ATP10A: variants seen among roughly 807,000 people sequenced by gnomAD.
ATP10A encodes ATPase phospholipid transporting 10A (putative).
In ATP10A, 111 loss-of-function variants were observed where a neutral mutation model predicts 147.8. That is an observed-to-expected ratio of 0.75 (90% confidence interval 0.64 to 0.88). The LOEUF (loss-of-function observed/expected upper bound fraction) is 0.88, where lower values mean the gene tolerates loss of function less well. Among genes scored for constraint, ATP10A ranks in the 40% least tolerant of loss-of-function variants. The probability of loss-of-function intolerance (pLI) is 0.00; values close to 1 mark genes in which losing one functional copy is unlikely to be tolerated. For synonymous variants in ATP10A, 875 were observed against 841.6 expected (o/e 1.04, Z -0.69); for missense variants, 1,927 against 1,959.0 (o/e 0.98, Z 0.31).
Position 25,847,609 on chromosome 15 carries a change from C to CTTTTTTTTTTTTTTTTTT in ATP10A, c.449+15021_449+15038dup, listed in dbSNP as rs34212354. Among the ~76,000 whole-genome samples, 2 of 40,738 alleles carry CTTTTTTTTTTTTTTTTTT rather than the reference C, an allele frequency of 4.9e-5. 1 individual carries two copies. Among genetic ancestry groups the CTTTTTTTTTTTTTTTTTT allele is most frequent in the Non-Finnish European group, 1.0e-4 (2 of 19,914 alleles). 26.7% of individuals were successfully genotyped at this position (40,738 alleles called of 152,430 possible). A position where few individuals can be genotyped will look rare whatever the true frequency, so the allele number is the denominator to read the frequency against. ...CCTAGCTAATTCAAACAGCTACAGC[C>CTTTTTTTTTTTTTTTTTT]TTTTTTTTTTTTTTTTTTTTTTTTT... On this transcript the variant is annotated intron_variant, in intron 1 of 20. Transcript: ENST00000555815.
At chr15:25,680,705 C>T in intron 19 of ATP10A, 105 bp downstream of exon 19, 2 of 1,050,360 alleles carry the variant, frequency 1.9e-6, no homozygotes, top group Non-Finnish European at 2.9e-6. Context: ...TTTGCAGTCT[C>T]CTGTCTACTC....
intron 2 of ATP10A, among the ~76,000 whole-genome samples, chr15:25,760,709 G>A (rs536429827): frequency 7.2e-5 from 11 of 152,250 alleles, no homozygotes; most frequent in South Asian, 4.1e-4. Flanking sequence ...AGCTGGGCAC[G>A]GTGGCTCATG....
At chr15:25,744,145 C>G (rs1443955985) in intron 2 of ATP10A, among the ~76,000 whole-genome samples, 1 of 152,128 alleles carries the variant, frequency 6.6e-6, no homozygotes, top group Non-Finnish European at 1.5e-5. Flanking sequence ...CTTAATACAA[C>G]ACGGTGCCAC....
chr15:25,687,319 G>T (rs4254294), intron 16 of ATP10A, among the ~76,000 whole-genome samples: 8,077 of 151,864 alleles, frequency 0.053, 313 homozygotes, highest in African/African-American at 0.1. Context: ...TGGACAGAGT[G>T]GTTAGGAGCC....
At chr15:25,805,040 G>A (rs1247413361) in intron 1 of ATP10A, among the ~76,000 whole-genome samples, 1 of 152,222 alleles carries the variant, frequency 6.6e-6, no homozygotes, top group East Asian at 1.9e-4. Context: ...TGCCAGAATG[G>A]GACCTGTGGC....
chr15:25,836,103 G>A (rs1343755337), intron 1 of ATP10A, among the ~76,000 whole-genome samples: 1 of 152,188 alleles, frequency 6.6e-6, no homozygotes, highest in African/African-American at 2.4e-5. Context: ...ATGAGCCAAA[G>A]CGCCTGGCCT....
chr15:25,737,718 G>A (rs1013201536), intron 2 of ATP10A, among the ~76,000 whole-genome samples: 1 of 152,106 alleles, frequency 6.6e-6, no homozygotes, highest in Non-Finnish European at 1.5e-5. Flanking sequence ...CTAACCCCAC[G>A]TAGCTCAGAA....
intron 13 of ATP10A, among the ~76,000 whole-genome samples, chr15:25,696,986 G>A (rs1325253630): frequency 1.3e-5 from 2 of 152,162 alleles, no homozygotes; most frequent in East Asian, 3.9e-4. Context: ...CTGGATGCAG[G>A]AGAAGGGCAG....
chr15:25,681,443 A>G (rs943880130), intron 17 of ATP10A, among the ~76,000 whole-genome samples: 1 of 152,180 alleles, frequency 6.6e-6, no homozygotes, highest in African/African-American at 2.4e-5. Flanking sequence ...AAATATGCAC[A>G]TAGCTTACTA....
intron 2 of ATP10A, among the ~76,000 whole-genome samples, chr15:25,752,641 T>C (rs1266675795): frequency 1.3e-5 from 2 of 152,216 alleles, no homozygotes; most frequent in South Asian, 2.1e-4. Flanking sequence ...GTTTTGGCTA[T>C]ATGGGGAGCC....
chr15:25,813,542 A>G (rs1411654901), intron 1 of ATP10A, among the ~76,000 whole-genome samples: 8 of 152,258 alleles, frequency 5.3e-5, no homozygotes, highest in African/African-American at 1.9e-4. Context: ...AACCTACAAC[A>G]AAGCATCAAT....
At chr15:25,852,708 T>C (rs766357515) in intron 1 of ATP10A, among the ~76,000 whole-genome samples, 5 of 152,222 alleles carry the variant, frequency 3.3e-5, no homozygotes, top group African/African-American at 1.2e-4. Context: ...CTGTCTGTTA[T>C]GCAGGCCTCA....
At chr15:25,759,842 T>A (rs1888657599) in intron 2 of ATP10A, among the ~76,000 whole-genome samples, 2 of 152,106 alleles carry the variant, frequency 1.3e-5, no homozygotes, top group African/African-American at 4.8e-5. Context: ...CTTTACCTTT[T>A]AGGTAGCTGG....
intron 2 of ATP10A, among the ~76,000 whole-genome samples, chr15:25,759,543 G>A (rs1888640172): frequency 6.6e-6 from 1 of 152,130 alleles, no homozygotes; most frequent in Non-Finnish European, 1.5e-5. Flanking sequence ...TGGTGGCTCA[G>A]GCCTGTAATC....
At chr15:25,720,983 G>T (rs1902180900) in intron 7 of ATP10A, among the ~76,000 whole-genome samples, 1 of 152,160 alleles carries the variant, frequency 6.6e-6, no homozygotes, top group South Asian at 2.1e-4. Context: ...GCAGTGCAGG[G>T]TGCCCACTCC....
intron 2 of ATP10A, among the ~76,000 whole-genome samples, chr15:25,753,710 G>A (rs1888269409): frequency 6.7e-6 from 1 of 150,118 alleles, no homozygotes; most frequent in South Asian, 2.1e-4. Flanking sequence ...ATAAATAAAG[G>A]GCTGCAGTTT....
chr15:25,841,290 T>C (rs1032378298), intron 1 of ATP10A, among the ~76,000 whole-genome samples: 1 of 151,934 alleles, frequency 6.6e-6, no homozygotes, highest in Non-Finnish European at 1.5e-5. Context: ...TTTTTTTTTT[T>C]TTCTAATGGA....
intron 2 of ATP10A, among the ~76,000 whole-genome samples, chr15:25,755,996 A>T (rs940366410): frequency 6.6e-6 from 1 of 152,140 alleles, no homozygotes; most frequent in African/African-American, 2.4e-5. Flanking sequence ...AACAAACCTT[A>T]CCTTTCTTTA....
At chr15:25,841,281 T>G (rs999107475) in intron 1 of ATP10A, among the ~76,000 whole-genome samples, 2 of 25,008 alleles carry the variant, frequency 8.0e-5, no homozygotes, top group Non-Finnish European at 1.7e-4. Context: ...GGTTTAGGGT[T>G]TTTTTTTTTT....
Sources: gnomAD v4.1 joint callset for allele counts (sites outside exome capture counted in the v4.1 genomes callset) on GRCh38, gnomAD v4.1.1 for gene constraint, MANE v1.5 for transcripts, NCBI Gene and HGNC (gene_info 2026-07-23, HGNC 2026-07-21) for gene names.